KIF13A: variants seen among roughly 807,000 people sequenced by gnomAD.
KIF13A encodes kinesin-like protein KIF13A.
In KIF13A, 79 loss-of-function variants were observed where a neutral mutation model predicts 212.2. The ratio of observed to expected loss-of-function variants is 0.37; its 90% CI spans 0.31 to 0.45. The LOEUF (loss-of-function observed/expected upper bound fraction) is 0.45, where lower values mean the gene tolerates loss of function less well. KIF13A is among the 20% of genes least tolerant of loss of function. KIF13A has a pLI of 1.00. For synonymous variants in KIF13A, 789 were observed against 808.6 expected, an observed-to-expected ratio of 0.98 and a Z score of 0.41; for missense variants, 1,901 against 2,209.0, an observed-to-expected ratio of 0.86 and a Z score of 2.79.
chr6:17,863,602 A>T (rs377470457), intron 4 of KIF13A, among the ~76,000 whole-genome samples: 1 of 152,212 alleles, frequency 6.6e-6, no homozygotes, highest in African/African-American at 2.4e-5. Flanking sequence ...AAAAAGGCCA[A>T]ATTGTCAACC....
chr6:17,791,684 T>G (rs1761569604), intron 25 of KIF13A, among the ~76,000 whole-genome samples: 1 of 151,920 alleles, frequency 6.6e-6, no homozygotes, highest in Non-Finnish European at 1.5e-5. Context: ...GCGGATCATT[T>G]GAGGTGAGGA....
intron 4 of KIF13A, among the ~76,000 whole-genome samples, chr6:17,867,901 G>A (rs1480827839): frequency 6.6e-6 from 1 of 152,196 alleles, no homozygotes; most frequent in East Asian, 1.9e-4. Context: ...CTAGCTCTGA[G>A]CACATAAAAT....
chr6:17,841,911 T>C (rs1016481965), intron 9 of KIF13A, among the ~76,000 whole-genome samples: 7 of 151,646 alleles, frequency 4.6e-5, no homozygotes, highest in African/African-American at 1.7e-4. Flanking sequence ...GAAAGGCGAA[T>C]CACAGGCTTA....
chr6:17,800,508 C>G (rs1762388062), intron 20 of KIF13A, among the ~76,000 whole-genome samples: 1 of 151,684 alleles, frequency 6.6e-6, no homozygotes, highest in South Asian at 2.1e-4. Flanking sequence ...ATGATCTCAG[C>G]TTGCTATAAC....
intron 25 of KIF13A, among the ~76,000 whole-genome samples, chr6:17,790,546 AG>A (rs1460035274): frequency 6.6e-6 from 1 of 152,246 alleles, no homozygotes; most frequent in Non-Finnish European, 1.5e-5. Context: ...AGATAGGCTT[AG>A]GAAGACAGAG....
chr6:17,821,693 G>C, intron 16 of KIF13A: 1 of 1,382,082 alleles, frequency 7.2e-7, no homozygotes, highest in Non-Finnish European at 9.7e-7. Flanking sequence ...ATGTTAGTTA[G>C]ATTTTTGCCA....
chr6:17,873,150 G>A (rs1770176554), intron 4 of KIF13A: 3 of 451,764 alleles, frequency 6.6e-6, no homozygotes, highest in African/African-American at 2.0e-5. Flanking sequence ...GAGGTCAGGT[G>A]AACAATTTGA....
At chr6:17,917,753 A>C (rs1301438661) in intron 2 of KIF13A, among the ~76,000 whole-genome samples, 1 of 152,196 alleles carries the variant, frequency 6.6e-6, no homozygotes, top group Non-Finnish European at 1.5e-5. Context: ...TAAATTTCCT[A>C]TCATTTACCT....
In KIF13A at chr6:17,872,897, A is replaced by T. The variant is rs1418992082; in HGVS notation, c.220+480T>A. 2.1e-4 allele frequency among the ~76,000 whole-genome samples: 32 copies of T among 152,162 alleles called. No homozygotes were observed. On this transcript the variant is annotated intron_variant, in intron 4 of 38. Transcript: ENST00000259711. The surrounding 1 kb of genome is among the most constrained non-coding windows in gnomAD (Gnocchi z 4.7). ...GTGATCCGCCCACCTCGGCCTCCCA[A>T]AGTGCTGGGATTACAGATGTGAGCC...
chr6:17,806,653 G>A lies in KIF13A; in HGVS notation c.2164-1038C>T, dbSNP rs142014553. On this transcript the variant is annotated intron_variant, in intron 18 of 38. Transcript: ENST00000259711. ...CCAGCACTTTGGGAGGCCAAGGTGGGTGGATCACCTGAGGTCAGGAGTTCG... is the reference window on the plus strand; with the variant it reads ...CCAGCACTTTGGGAGGCCAAGGTGGATGGATCACCTGAGGTCAGGAGTTCG... 4.4e-3 allele frequency among the ~76,000 whole-genome samples: 675 copies of A among 152,300 alleles called. 6 individuals are homozygous for A. Among genetic ancestry groups the A allele is most frequent in the Middle Eastern group, 0.014 (4 of 294 alleles).
rs756267833 is a variant in KIF13A, at chr6:17,771,169, C to T, written c.4526G>A (p.Gly1509Glu). Residue 1509 changes from glycine to glutamate, a missense_variant, in exon 38 of 39, where the codon GGA becomes GAA. Physicochemically the swap from Gly to Glu is moderately conservative, Grantham distance 98. Transcript: ENST00000259711. The surrounding 1 kb of genome is among the most constrained non-coding windows in gnomAD (Gnocchi z 5.4). ...TACTGGCATGCTGCTGCCATTGCTT[C>T]CTGAGGGTACAATGCAGCCAGGGTT... is the stretch of plus-strand genomic sequence containing the variant. ...AHNPGCIVPS[G>E]SNGSSMPVEH... 5.6e-6 allele frequency: 9 copies of T among 1,613,442 alleles called. No individual in the cohort carries two copies. Among genetic ancestry groups the T allele is most frequent in the Non-Finnish European group, 7.6e-6 (9 of 1,179,712 alleles).
rs367879213 is a variant in KIF13A, at chr6:17,918,052, G to T, written c.147-19872C>A. On this transcript the variant is annotated intron_variant, in intron 2 of 38. Transcript: ENST00000259711. This position sits in a 1 kb window ranked among gnomAD's most constrained non-coding sequence, Gnocchi z 4.8. ...CTCGTGGCACCTGTTGCACTTTCTC[G>T]GAGTCATGGTTTGTTGTCTGTCTTG... Among the ~76,000 whole-genome samples the T allele has an allele frequency of 6.6e-6, 1 of 151,892 alleles. No individual in the cohort carries two copies. Among genetic ancestry groups the T allele is most frequent in the Non-Finnish European group, 1.5e-5 (1 of 67,976 alleles).
At chr6:17,949,067 T>C (rs1021595732) in intron 2 of KIF13A, among the ~76,000 whole-genome samples, 2 of 151,884 alleles carry the variant, frequency 1.3e-5, no homozygotes, top group African/African-American at 4.8e-5. Context: ...TAAAGAAAAA[T>C]AAGATCAGAT....
At chr6:17,818,313 G>C (rs1398374795) in intron 16 of KIF13A, among the ~76,000 whole-genome samples, 1 of 152,150 alleles carries the variant, frequency 6.6e-6, no homozygotes, top group Non-Finnish European at 1.5e-5. Flanking sequence ...AAAAGAAGCT[G>C]AAAATTAAAG....
At chr6:17,979,282 G>C (rs1561833774) in intron 2 of KIF13A, among the ~76,000 whole-genome samples, 3 of 152,026 alleles carry the variant, frequency 2.0e-5, no homozygotes, top group Non-Finnish European at 4.4e-5. Context: ...GACAGAACGA[G>C]ACTCCATCTA....
chr6:17,896,659 T>C (rs1772594353), intron 3 of KIF13A, among the ~76,000 whole-genome samples: 1 of 152,212 alleles, frequency 6.6e-6, no homozygotes, highest in Non-Finnish European at 1.5e-5. Flanking sequence ...ATCAATAGGA[T>C]ATCCAGCAAA....
chr6:17,980,484 G>A (rs138583417), intron 2 of KIF13A, among the ~76,000 whole-genome samples: 129 of 152,174 alleles, frequency 8.5e-4, no homozygotes, highest in African/African-American at 2.9e-3. Context: ...GGAGGCAACC[G>A]CTCCAAGCCA....
intron 3 of KIF13A, among the ~76,000 whole-genome samples, chr6:17,890,402 T>C (rs1481012479): frequency 6.6e-6 from 1 of 152,048 alleles, no homozygotes; most frequent in East Asian, 1.9e-4. Flanking sequence ...TCTTGGAACA[T>C]GCCAGATATT....
intron 2 of KIF13A, among the ~76,000 whole-genome samples, chr6:17,954,330 C>A (rs1342340793): frequency 6.7e-6 from 1 of 150,242 alleles, no homozygotes; most frequent in African/African-American, 2.5e-5. Flanking sequence ...AAAATCAGAT[C>A]AGCATTTTTC....
Sources: gnomAD v4.1 joint callset for allele counts (sites outside exome capture counted in the v4.1 genomes callset) on GRCh38, gnomAD v4.1.1 for gene constraint, Gnocchi (gnomAD v3.1) non-coding constraint, MANE v1.5 for transcripts, NCBI Gene and HGNC (gene_info 2026-07-23, HGNC 2026-07-21) for gene names.